Variants in RAPGEF5 observed in about 807,000 individuals in gnomAD.
The protein encoded by RAPGEF5 is Rap guanine nucleotide exchange factor 5.
RAPGEF5 carries 65 observed loss-of-function variants against 125.2 expected under a neutral mutation model. That is an observed-to-expected ratio of 0.52 (90% CI 0.43 to 0.64). The LOEUF (loss-of-function observed/expected upper bound fraction) is 0.64, where lower values mean the gene tolerates loss of function less well. RAPGEF5 is among the 30% of genes least tolerant of loss of function. RAPGEF5 has a pLI of 0.00. For synonymous variants in RAPGEF5, 391 were observed against 385.9 expected, an observed-to-expected ratio of 1.01 and a Z score of -0.16; for missense variants, 958 against 1,048.1, an observed-to-expected ratio of 0.91 and a Z score of 1.19.
At chr7:22,306,910 T>C (rs1783355353) in intron 5 of RAPGEF5, among the ~76,000 whole-genome samples, 1 of 152,208 alleles carries the variant, frequency 6.6e-6, no homozygotes. Flanking sequence ...CATTGGTCTA[T>C]GTGTCTGTTT....
intron 9 of RAPGEF5, among the ~76,000 whole-genome samples, chr7:22,197,911 G>A (rs1785189792): frequency 7.0e-6 from 1 of 142,066 alleles, no homozygotes; most frequent in South Asian, 2.3e-4. Flanking sequence ...GGTGGTAGGA[G>A]GACATTCTCA....
At position 22,122,461 on chromosome 7, in the gene RAPGEF5, A is replaced by G. The variant is rs1583375828; in HGVS notation, c.2597T>C (p.Ile866Thr). 3.7e-6 allele frequency: 6 copies of G among 1,613,838 alleles called. No individual in the cohort carries two copies. Among genetic ancestry groups the G allele is most frequent in the African/African-American group, 1.3e-5 (1 of 74,942 alleles). The change falls in exon 26 of 26, where the codon ATT becomes ACT. Residue 866 changes from isoleucine (I) to threonine (T), a missense_variant. Physicochemically the swap from Ile to Thr is moderately conservative, Grantham distance 89 (BLOSUM62 -1). Coordinates refer to ENST00000665637, the MANE Select transcript of RAPGEF5 (RefSeq NM_012294.5). ...CTCAAACAGAGCCTGCTGGCTGTCA[A>G]TGACATACAGGTGATTAACATAGGA... is the stretch of plus-strand genomic sequence containing the variant. ...LKSYVNHLYV[I>T]DSQQALFELS...
intron 11 of RAPGEF5, among the ~76,000 whole-genome samples, chr7:22,184,085 C>A (rs1199968507): frequency 6.6e-6 from 1 of 152,212 alleles, no homozygotes. Context: ...AAATGGTCAA[C>A]CTTTTGTGGC....
intron 1 of RAPGEF5, among the ~76,000 whole-genome samples, chr7:22,351,993 A>G (rs923614100): frequency 6.6e-6 from 1 of 152,212 alleles, no homozygotes; most frequent in Non-Finnish European, 1.5e-5. Flanking sequence ...AGCACAGGCC[A>G]TAAGAACCCT....
chr7:22,284,206 T>C (rs1562507677), intron 6 of RAPGEF5, among the ~76,000 whole-genome samples: 3 of 152,114 alleles, frequency 2.0e-5, no homozygotes, highest in Admixed American at 6.6e-5. Flanking sequence ...AAATATACTA[T>C]TCAGCAATCT....
chr7:22,168,575 G>C (rs1562735065), intron 11 of RAPGEF5, among the ~76,000 whole-genome samples: 1 of 152,180 alleles, frequency 6.6e-6, no homozygotes, highest in Non-Finnish European at 1.5e-5. Context: ...GAGCCCTATA[G>C]CTCTACATTG....
chr7:22,315,452 C>T lies in RAPGEF5; in HGVS notation c.307G>A (p.Ala103Thr), dbSNP rs1469397409. 6.6e-7 allele frequency: 1 copy of T among 1,508,948 alleles called. No individual in the cohort carries two copies. Among genetic ancestry groups the T allele is most frequent in the Non-Finnish European group, 8.8e-7 (1 of 1,130,530 alleles). The allele number at this position is 1,508,948 out of a possible 1,614,324, so 93.5% of individuals were successfully genotyped here. A position where few individuals can be genotyped will look rare whatever the true frequency, so the allele number is the denominator to read the frequency against. The change falls in exon 3 of 26, where the codon GCA (alanine) becomes ACA (threonine). Residue 103 changes from alanine (A) to threonine (T), a missense_variant. Physicochemically the swap from Ala to Thr is moderately conservative, Grantham distance 58. Coordinates refer to ENST00000665637, the MANE Select transcript of RAPGEF5 (RefSeq NM_012294.5). ...SQIYGENSSC[A>T]GRALRNIIIV... ...ATAATATTCCTCAATGCTCTTCCTG[C>T]ACAAGAAGAATTCTCTCCATAAATC...
chr7:22,262,220 A>C (rs1369600206), intron 7 of RAPGEF5, among the ~76,000 whole-genome samples: 1 of 150,606 alleles, frequency 6.6e-6, no homozygotes, highest in East Asian at 1.9e-4. Context: ...TATAAAAAAC[A>C]AAAAAAAAGC....
At chr7:22,309,788 T>C (rs1281133611) in intron 4 of RAPGEF5, among the ~76,000 whole-genome samples, 181 bp downstream of exon 4, 1 of 152,190 alleles carries the variant, frequency 6.6e-6, no homozygotes, top group Non-Finnish European at 1.5e-5. Flanking sequence ...TTTGCAAGAA[T>C]TGTAAGAGAA....
At chr7:22,202,369 T>C (rs970291527) in intron 9 of RAPGEF5, among the ~76,000 whole-genome samples, 5 of 152,282 alleles carry the variant, frequency 3.3e-5, no homozygotes, top group South Asian at 2.1e-4. Context: ...TTACAGGGCT[T>C]GCCTTATCTA....
intron 3 of RAPGEF5, among the ~76,000 whole-genome samples, chr7:22,310,778 C>T (rs1490079799): frequency 6.6e-6 from 1 of 152,154 alleles, no homozygotes; most frequent in Non-Finnish European, 1.5e-5. Flanking sequence ...GCCCAGGTCA[C>T]ATAACCATAA....
Position 22,316,460 on chromosome 7 carries a change from CATATATATATATAT to C in RAPGEF5, c.283-998_283-985del, listed in dbSNP as rs757768702. ...ATACACACGTGTATGTATACATAGA[CATATATATATATAT>C]ATATATATATATATATTTTTTTTTT... On this transcript the variant is annotated intron_variant, in intron 2 of 25. Coordinates refer to ENST00000665637, the MANE Select transcript of RAPGEF5 (RefSeq NM_012294.5). 4.3e-4 allele frequency among the ~76,000 whole-genome samples: 40 copies of C among 92,728 alleles called. 1 individual carries two copies. Among genetic ancestry groups the C allele is most frequent in the African/African-American group, 1.1e-3 (24 of 21,812 alleles). 60.8% of individuals were successfully genotyped at this position (92,728 alleles called of 152,430 possible).
chr7:22,228,788 C>T (rs558425891), intron 8 of RAPGEF5, among the ~76,000 whole-genome samples: 15 of 151,732 alleles, frequency 9.9e-5, no homozygotes, highest in Non-Finnish European at 1.5e-4. Flanking sequence ...GCTGGGATTA[C>T]GGGTGCGAGC....
chr7:22,307,054 T>C (rs1159577639), intron 5 of RAPGEF5, among the ~76,000 whole-genome samples: 1 of 152,226 alleles, frequency 6.6e-6, no homozygotes, highest in Non-Finnish European at 1.5e-5. Flanking sequence ...TGGTTTCATA[T>C]AAATTTTAGG....
intron 5 of RAPGEF5, among the ~76,000 whole-genome samples, chr7:22,306,000 T>C (rs1783329796): frequency 6.6e-6 from 1 of 152,194 alleles, no homozygotes; most frequent in South Asian, 2.1e-4. Context: ...TTGTGGACAG[T>C]GATGCAAAAA....
chr7:22,195,576 A>G (rs1785128919), intron 9 of RAPGEF5, among the ~76,000 whole-genome samples: 1 of 151,808 alleles, frequency 6.6e-6, no homozygotes, highest in Admixed American at 6.6e-5. Context: ...TCATTGTGAA[A>G]CTCCCTGAGG....
At chr7:22,315,547 CTA>C (rs5882843) in intron 2 of RAPGEF5, 71 bp from the exon 3 acceptor site, 214,384 of 411,690 alleles carry the variant, frequency 0.52, 50,074 homozygotes, top group East Asian at 0.81. Context: ...CAATAGCATA[CTA>C]TATATATATA....
chr7:22,156,775 C>T (rs1440282269), intron 16 of RAPGEF5, 35 bp downstream of exon 16: 1 of 1,611,050 alleles, frequency 6.2e-7, no homozygotes, highest in Non-Finnish European at 8.5e-7. Context: ...CTAACTGCTG[C>T]CCACCCCCAA....
chr7:22,297,170 A>ATC (rs1261109664), intron 5 of RAPGEF5, among the ~76,000 whole-genome samples: 1 of 152,214 alleles, frequency 6.6e-6, no homozygotes, highest in Non-Finnish European at 1.5e-5. Flanking sequence ...GAAAAGAACA[A>ATC]TCCAGTAGAG....
Sources: allele counts gnomAD v4.1 joint callset (sites outside exome capture counted in the v4.1 genomes callset), GRCh38; gene constraint gnomAD v4.1.1; transcripts MANE v1.5; gene names NCBI Gene and HGNC (gene_info 2026-07-23, HGNC 2026-07-21).